Variants in CDH4 observed in about 807,000 individuals in gnomAD.
CDH4 encodes the protein cadherin-4.
Under a neutral mutation model 86.0 loss-of-function variants are expected in CDH4, and 33 were observed. The ratio of observed to expected loss-of-function variants is 0.38; its 90% CI spans 0.29 to 0.51. CDH4 has a LOEUF of 0.51. Among genes scored for constraint, CDH4 ranks in the 20% least tolerant of loss-of-function variants. CDH4 has a pLI of 0.86. For missense variants in CDH4, 1,114 were observed against 1,307.4 expected (o/e 0.85, Z 2.28); for synonymous variants, 555 against 549.4 (o/e 1.01, Z -0.14).
chr20:61,352,754 C>T (rs527892669), intron 2 of CDH4, among the ~76,000 whole-genome samples: 9 of 152,160 alleles, frequency 5.9e-5, no homozygotes, highest in African/African-American at 1.2e-4. Context: ...CCATTCACTC[C>T]CCCCGGTCAC....
intron 7 of CDH4, among the ~76,000 whole-genome samples, chr20:61,894,581 T>C (rs1201305055): frequency 6.6e-6 from 1 of 152,176 alleles, no homozygotes; most frequent in African/African-American, 2.4e-5. Context: ...GCAACCCCAG[T>C]GCCCTCTGGG....
Position 61,695,396 on chromosome 20 carries a change from G to A in CDH4, c.170-48167G>A, listed in dbSNP as rs570810102. On this transcript the variant is annotated intron_variant, in intron 2 of 15. Transcript: ENST00000614565. ...CCTGCAAACTCACACCATCAGACCC[G>A]AACGAGGGTCTGAACTGTCCTGGAG... Among the ~76,000 whole-genome samples, 9 of 152,280 alleles carry A rather than the reference G, an allele frequency of 5.9e-5. No homozygotes were observed. In the East Asian group the frequency reaches 1.4e-3, roughly 23 times the overall value.
chr20:61,823,474 C>T (rs1424141018), intron 4 of CDH4, among the ~76,000 whole-genome samples: 1 of 151,886 alleles, frequency 6.6e-6, no homozygotes, highest in Non-Finnish European at 1.5e-5. Flanking sequence ...TTGAGCACTT[C>T]CTATGAGTCA....
intron 2 of CDH4, among the ~76,000 whole-genome samples, chr20:61,740,070 AAAGG>A (rs1292747059): frequency 2.0e-5 from 3 of 152,238 alleles, no homozygotes; most frequent in African/African-American, 7.2e-5. Context: ...CAAAAATTAA[AAAGG>A]AAGCAAAAGG....
rs149154139 is a variant in CDH4, at chr20:61,275,556, TG to T, written c.169+20624del. Among the ~76,000 whole-genome samples the T allele has an allele frequency of 3.4e-3, 396 of 117,554 alleles. 7 individuals are homozygous for T. The highest frequency in any genetic ancestry group is 0.013 in the African/African-American group (386 of 29,108). The allele number at this position is 117,554 out of a possible 152,430, so 77.1% of individuals were successfully genotyped here. ...GTTTGGGGGAGTACCCTGCGCAGTT[TG>T]GGGGAGTACCCTGCGCAGTTTGGGG... On this transcript the variant is annotated intron_variant, in intron 2 of 15. Coordinates refer to ENST00000614565, the MANE Select transcript of CDH4 (RefSeq NM_001794.5).
rs537802366 is a variant in CDH4, at chr20:61,829,582, A to G, written c.577-15086A>G. 5.3e-5 allele frequency among the ~76,000 whole-genome samples: 8 copies of G among 152,278 alleles called. No individual in the cohort carries two copies. Among genetic ancestry groups the G allele is most frequent in the African/African-American group, 1.7e-4 (7 of 41,556 alleles). Reference sequence around the variant, plus strand: ...TCTGGAGGCCACGAGCCTGTTTTCCACGGCGGCTCTGCGGGCCTCCTGTTG... The same window carrying G: ...TCTGGAGGCCACGAGCCTGTTTTCCGCGGCGGCTCTGCGGGCCTCCTGTTG... On this transcript the variant is annotated intron_variant, in intron 4 of 15. Coordinates refer to ENST00000614565, the MANE Select transcript of CDH4 (RefSeq NM_001794.5). The surrounding 1 kb of genome is among the most constrained non-coding windows in gnomAD (Gnocchi z 4.2).
chr20:61,678,528 A>C (rs988197228), intron 2 of CDH4, among the ~76,000 whole-genome samples: 1 of 152,232 alleles, frequency 6.6e-6, no homozygotes. Flanking sequence ...GAAAGTAAGC[A>C]TCTCAGCAAC....
At chr20:61,331,667 GGCTC>G (rs2084579010) in intron 2 of CDH4, among the ~76,000 whole-genome samples, 2 of 138,112 alleles carry the variant, frequency 1.4e-5, no homozygotes, top group Admixed American at 7.5e-5. Context: ...ACCTGCCCCA[GGCTC>G]ACCTCCTGCC....
At chr20:61,294,260 G>A (rs762048195) in intron 2 of CDH4, among the ~76,000 whole-genome samples, 16 of 152,180 alleles carry the variant, frequency 1.1e-4, no homozygotes, top group East Asian at 1.9e-4. Flanking sequence ...GGTCTGCACC[G>A]GGGCCAGGGC....
chr20:61,536,476 G>T (rs2085998017), intron 2 of CDH4, among the ~76,000 whole-genome samples: 1 of 151,862 alleles, frequency 6.6e-6, no homozygotes, highest in Non-Finnish European at 1.5e-5. Context: ...GGGCAGGGAG[G>T]GAGGGGGAGG....
chr20:61,397,219 A>G (rs1488958903), intron 2 of CDH4, among the ~76,000 whole-genome samples: 2 of 152,158 alleles, frequency 1.3e-5, no homozygotes, highest in Non-Finnish European at 2.9e-5. Flanking sequence ...CTTCATAAAA[A>G]TATTTATTTA....
chr20:61,452,025 C>T (rs2085383587), intron 2 of CDH4, among the ~76,000 whole-genome samples: 1 of 152,216 alleles, frequency 6.6e-6, no homozygotes, highest in South Asian at 2.1e-4. Context: ...CTTCAGAAAA[C>T]GGCTGTGGCC....
chr20:61,595,548 A>G (rs2145737267), intron 2 of CDH4, among the ~76,000 whole-genome samples: 1 of 152,174 alleles, frequency 6.6e-6, no homozygotes, highest in African/African-American at 2.4e-5. Context: ...CCCCTGGAAC[A>G]AACAATAAGA....
At chr20:61,294,477 C>T (rs6071573) in intron 2 of CDH4, among the ~76,000 whole-genome samples, 89,718 of 152,108 alleles carry the variant, frequency 0.59, 27,158 homozygotes, top group Admixed American at 0.67. Context: ...AACACAGCTG[C>T]TCTTCCCATC....
intron 2 of CDH4, among the ~76,000 whole-genome samples, chr20:61,595,004 G>A (rs934520844): frequency 1.3e-5 from 2 of 152,236 alleles, no homozygotes. Context: ...CACTGAGGGT[G>A]CAGTGACCGT....
intron 2 of CDH4, among the ~76,000 whole-genome samples, chr20:61,524,977 C>T (rs1225084768): frequency 6.6e-6 from 1 of 152,178 alleles, no homozygotes; most frequent in East Asian, 1.9e-4. Flanking sequence ...CTTCTTTCCA[C>T]TGTGAACATA....
rs979321136 is a variant in CDH4 at position 61,544,561 on chromosome 20, G to A, written c.170-199002G>A. 5.9e-5 allele frequency among the ~76,000 whole-genome samples: 9 copies of A among 151,698 alleles called. No individual in the cohort carries two copies. The highest frequency in any genetic ancestry group is 1.5e-4 in the African/African-American group (6 of 41,294). ...GCAGCCGCCAAGCAGAGACGGTGAC[G>A]GGATCCCTGCGTTGACGGTGGCATG... On this transcript the variant is annotated intron_variant, in intron 2 of 15. Coordinates refer to ENST00000614565, the MANE Select transcript of CDH4 (RefSeq NM_001794.5). The surrounding 1 kb of genome is among the most constrained non-coding windows in gnomAD (Gnocchi z 6.5).
chr20:61,375,258 T>G (rs936713354), intron 2 of CDH4, among the ~76,000 whole-genome samples: 1 of 152,182 alleles, frequency 6.6e-6, no homozygotes, highest in Admixed American at 6.5e-5. Flanking sequence ...TTAGAAAAGT[T>G]CATGGTACCT....
chr20:61,716,563 G>T (rs1479283387), intron 2 of CDH4, among the ~76,000 whole-genome samples: 2 of 152,186 alleles, frequency 1.3e-5, no homozygotes, highest in African/African-American at 4.8e-5. Flanking sequence ...ACAGAATAGT[G>T]CAGGCTTGTG....
Sources: allele counts gnomAD v4.1 joint callset (sites outside exome capture counted in the v4.1 genomes callset), GRCh38; gene constraint gnomAD v4.1.1; non-coding constraint Gnocchi (gnomAD v3.1); transcripts MANE v1.5; gene names NCBI Gene and HGNC (gene_info 2026-07-23, HGNC 2026-07-21).